The following DGKH variants were observed in gnomAD, a reference collection of about 807,000 sequenced individuals.
DGKH encodes diacylglycerol kinase eta, also known as DAG kinase eta.
DGKH carries 90 observed loss-of-function variants against 159.3 expected under a neutral mutation model. The observed-to-expected ratio is 0.57, with a 90% CI of 0.48 to 0.67. The LOEUF is 0.67. DGKH is among the 30% of genes least tolerant of loss of function. The pLI is 0.00. For missense variants in DGKH, 1,181 were observed against 1,506.1 expected, an observed-to-expected ratio of 0.78 and a Z score of 3.57; for synonymous variants, 536 against 553.8, an observed-to-expected ratio of 0.97 and a Z score of 0.45.
chr13:42,226,271 G>A (rs1694650294), intron 29 of DGKH, among the ~76,000 whole-genome samples: 1 of 152,168 alleles, frequency 6.6e-6, no homozygotes, highest in African/African-American at 2.4e-5. Flanking sequence ...AGTCAGAACG[G>A]CAATTGTTAA....
intron 1 of DGKH, among the ~76,000 whole-genome samples, chr13:42,117,025 G>T (rs1237820956): frequency 9.9e-5 from 15 of 152,100 alleles, no homozygotes; most frequent in Non-Finnish European, 7.4e-5. Flanking sequence ...TTCCATGAGG[G>T]TCAGGTAGTA....
intron 1 of DGKH, among the ~76,000 whole-genome samples, chr13:42,061,007 G>A (rs921789334): frequency 1.3e-5 from 2 of 152,080 alleles, no homozygotes; most frequent in Non-Finnish European, 1.5e-5. Context: ...GTTTAGGAGC[G>A]GCGGTTTAAT....
intron 1 of DGKH, among the ~76,000 whole-genome samples, chr13:42,077,721 C>T (rs1300203672): frequency 1.3e-5 from 2 of 152,200 alleles, no homozygotes; most frequent in Non-Finnish European, 2.9e-5. Flanking sequence ...TTCATATTCT[C>T]TTCTGTCTAA....
chr13:42,173,482 A>T (rs1956515184), intron 11 of DGKH, among the ~76,000 whole-genome samples: 1 of 151,802 alleles, frequency 6.6e-6, no homozygotes, highest in African/African-American at 2.4e-5. Context: ...TTTTCCCCCT[A>T]CTCTCATGCT....
At chr13:42,251,498 C>T (rs1958619908) in intron 29 of DGKH, among the ~76,000 whole-genome samples, 3 of 152,120 alleles carry the variant, frequency 2.0e-5, no homozygotes, top group Admixed American at 2.0e-4. Context: ...AACTTCATCC[C>T]TTTGGTATTA....
intron 1 of DGKH, among the ~76,000 whole-genome samples, chr13:42,040,606 G>T (rs1245880003): frequency 6.6e-6 from 1 of 151,702 alleles, no homozygotes; most frequent in Non-Finnish European, 1.5e-5. Context: ...CGGCGGTGGC[G>T]GGGAGCGGAC....
At chr13:42,168,410 A>G (rs943410621) in intron 9 of DGKH, 30 bp from the exon 10 acceptor site, 2 of 1,573,094 alleles carry the variant, frequency 1.3e-6, no homozygotes, top group African/African-American at 2.7e-5. Flanking sequence ...TTATTTCTTT[A>G]TACTAAAATA....
At position 42,236,323 on chromosome 13, in the gene DGKH, C is replaced by T. The variant is rs1029736650; in HGVS notation, c.*7135C>T. 1 of 152,146 alleles carries T rather than the reference C, an allele frequency of 6.6e-6. No individual in the cohort carries two copies. The highest frequency in any genetic ancestry group is 6.5e-5 in the Admixed American group (1 of 15,272). 9.4% of individuals were successfully genotyped at this position (152,146 alleles called of 1,614,324 possible). A position where few individuals can be genotyped will look rare whatever the true frequency, so the allele number is the denominator to read the frequency against. ...ACTTGAAGTACTCATTTCTGTCAAA[C>T]AGATGCCCAACTATTTTCCTTTTAA... On this transcript the variant is annotated 3_prime_UTR_variant, in exon 30 of 30. Transcript: ENST00000337343.
chr13:42,210,166 A>AT (rs1014807364), intron 23 of DGKH, among the ~76,000 whole-genome samples: 65 of 151,630 alleles, frequency 4.3e-4, no homozygotes, highest in African/African-American at 1.5e-3. Flanking sequence ...AGCATGAAAT[A>AT]TTTTTTTGTT....
chr13:42,228,406 CA>C (rs1433978759), intron 29 of DGKH, among the ~76,000 whole-genome samples: 1 of 152,156 alleles, frequency 6.6e-6, no homozygotes, highest in Non-Finnish European at 1.5e-5. Context: ...ATATTCCTCT[CA>C]AATTGAAGCC....
At chr13:42,186,171 CT>C (rs1956922358) in intron 13 of DGKH, among the ~76,000 whole-genome samples, 2 of 152,022 alleles carry the variant, frequency 1.3e-5, no homozygotes, top group East Asian at 1.9e-4. Context: ...CTGCTGGAAC[CT>C]TTTTTAAATT....
chr13:42,189,415 A>T, intron 15 of DGKH, 106 bp downstream of exon 15: 2 of 1,443,180 alleles, frequency 1.4e-6, no homozygotes, highest in Middle Eastern at 4.6e-4. Context: ...TAAAAATAAA[A>T]TTTTTAAGGC....
chr13:42,137,999 T>C (rs1955437855), intron 3 of DGKH: 1 of 736,510 alleles, frequency 1.4e-6, no homozygotes, highest in Non-Finnish European at 1.7e-6. Context: ...CTAACTTGAG[T>C]CATCTGATAG....
At chr13:42,159,244 C>CATTTTTTTTT in intron 5 of DGKH, 22 bp from the exon 6 acceptor site, 1 of 213,284 alleles carries the variant, frequency 4.7e-6, no homozygotes. Flanking sequence ...AGCAGTTGCT[C>CATTTTTTTTT]TTTTTTTTTT....
intron 17 of DGKH, among the ~76,000 whole-genome samples, 199 bp downstream of exon 17, chr13:42,195,215 T>C (rs1957176207): frequency 2.0e-5 from 3 of 152,136 alleles, no homozygotes; most frequent in Admixed American, 2.0e-4. Context: ...AAAACACTTG[T>C]TTCGGCCAGG....
chr13:42,164,870 A>C (rs1188490684), intron 7 of DGKH, among the ~76,000 whole-genome samples: 1 of 152,228 alleles, frequency 6.6e-6, no homozygotes, highest in Non-Finnish European at 1.5e-5. Flanking sequence ...CAGAAAAAGC[A>C]GGCACTTTAT....
chr13:42,058,603 A>C (rs746954771), intron 1 of DGKH, among the ~76,000 whole-genome samples: 5 of 152,214 alleles, frequency 3.3e-5, no homozygotes, highest in Non-Finnish European at 7.3e-5. Flanking sequence ...ATGACCTCAG[A>C]CATGTTACTT....
chr13:42,048,928 T>C lies in DGKH; in HGVS notation c.155T>C (p.Ile52Thr). Reference sequence around the variant, plus strand: ...GAGCAAGAGGGACCCCAGAAACTGATCCGCAAAGTGTCTACCTCGGGGCAG... The same window carrying C: ...GAGCAAGAGGGACCCCAGAAACTGACCCGCAAAGTGTCTACCTCGGGGCAG... Reference protein sequence around the residue: ...EAEQEGPQKLIRKVSTSGQIR... With the variant: ...EAEQEGPQKLTRKVSTSGQIR... Residue 52 changes from isoleucine (I) to threonine (T), a missense_variant, in exon 1 of 30, where the codon ATC (isoleucine) becomes ACC (threonine). Physicochemically the swap from Ile to Thr is moderately conservative, Grantham distance 89. Coordinates refer to ENST00000337343, the MANE Select transcript of DGKH (RefSeq NM_178009.5). This position sits in a 1 kb window ranked among gnomAD's most constrained non-coding sequence, Gnocchi z 6.7. 2.3e-6 allele frequency: 3 copies of C among 1,330,084 alleles called. No homozygotes were observed. Among genetic ancestry groups the C allele is most frequent in the Non-Finnish European group, 2.9e-6 (3 of 1,032,576 alleles). The allele number at this position is 1,330,084 out of a possible 1,614,324, so 82.4% of individuals were successfully genotyped here. A position where few individuals can be genotyped will look rare whatever the true frequency, so the allele number is the denominator to read the frequency against.
In DGKH at chr13:42,190,508, C is replaced by T. The variant is rs202129971; in HGVS notation, c.2018C>T (p.Ala673Val). The change falls in exon 16 of 30, where the codon GCC becomes GTC. Residue 673 changes from alanine (A) to valine (V), a missense_variant. By Grantham distance (64) the Ala-to-Val change is moderately conservative (BLOSUM62 0). Coordinates refer to ENST00000337343, the MANE Select transcript of DGKH (RefSeq NM_178009.5). ...AAGGAGGAAGCTAAAGATGATGGTG[C>T]CAAAGAATCAATAACTGGTGAGGAA... ...ESKEEAKDDG[A>V]KESITVKTAP... The T allele has an allele frequency of 3.6e-5, 58 of 1,593,982 alleles. No individual in the cohort carries two copies. The highest frequency in any genetic ancestry group is 4.7e-5 in the Non-Finnish European group (55 of 1,173,018).
Sources: gnomAD v4.1 joint callset for allele counts (sites outside exome capture counted in the v4.1 genomes callset) on GRCh38, gnomAD v4.1.1 for gene constraint, Gnocchi (gnomAD v3.1) non-coding constraint, MANE v1.5 for transcripts, NCBI Gene and HGNC (gene_info 2026-07-23, HGNC 2026-07-21) for gene names.